Variants in GPATCH1 observed in about 807,000 individuals in gnomAD.
The protein encoded by GPATCH1 is G-patch domain containing 1.
GPATCH1 carries 73 observed loss-of-function variants against 114.9 expected under a neutral mutation model. The observed-to-expected ratio is 0.64, with a 90% CI of 0.53 to 0.77. The LOEUF (loss-of-function observed/expected upper bound fraction) is 0.77, where lower values mean the gene tolerates loss of function less well. Among genes scored for constraint, GPATCH1 ranks in the 30% least tolerant of loss-of-function variants. GPATCH1 has a pLI of 0.00. For synonymous variants in GPATCH1, 391 were observed against 428.4 expected (o/e 0.91, Z 1.08); for missense variants, 1,058 against 1,144.3 (o/e 0.92, Z 1.09).
intron 10 of GPATCH1, among the ~76,000 whole-genome samples, chr19:33,109,499 C>T (rs1972824637): frequency 6.6e-6 from 1 of 151,984 alleles, no homozygotes; most frequent in South Asian, 2.1e-4. Flanking sequence ...GGCAATAGAG[C>T]GAGACTCCAT....
At chr19:33,094,364 G>A in intron 5 of GPATCH1, 95 bp downstream of exon 5, 1 of 704,990 alleles carries the variant, frequency 1.4e-6, no homozygotes, top group Non-Finnish European at 2.5e-6. Flanking sequence ...AGGCTGGAGT[G>A]CAGTGGTGCG....
chr19:33,096,559 A>G (rs1972662613), intron 7 of GPATCH1, 113 bp downstream of exon 7: 2 of 817,486 alleles, frequency 2.4e-6, no homozygotes, highest in East Asian at 5.4e-5. Flanking sequence ...CTAATCCTCA[A>G]GTGGAATCAG....
rs1972886771 is a variant in GPATCH1, at chr19:33,113,870, A to C, written c.1996A>C (p.Ser666Arg). 1.2e-6 allele frequency: 2 copies of C among 1,614,126 alleles called. No homozygotes were observed. The highest frequency in any genetic ancestry group is 4.5e-5 in the East Asian group (2 of 44,880). The change falls in exon 14 of 20, where the codon AGT becomes CGT. Residue 666 changes from serine to arginine, a missense_variant. Ser to Arg is a moderately radical substitution (Grantham distance 110, BLOSUM62 -1). Coordinates refer to ENST00000170564, the MANE Select transcript of GPATCH1 (RefSeq NM_018025.3). ...TTCCTTGCCCACCACTCAAGCATCAAGTGAAAAAGTATCACAGCACCGAGG... is the reference window on the plus strand; with the variant it reads ...TTCCTTGCCCACCACTCAAGCATCACGTGAAAAAGTATCACAGCACCGAGG... ...TASLPTTQASSEKVSQHRGPD... is the reference protein window; with the variant it reads ...TASLPTTQASREKVSQHRGPD...
At chr19:33,086,206 G>A (rs534306231) in intron 1 of GPATCH1, among the ~76,000 whole-genome samples, 1 of 152,068 alleles carries the variant, frequency 6.6e-6, no homozygotes, top group South Asian at 2.1e-4. Context: ...TATATGTAAT[G>A]TAGTGTGTGT....
chr19:33,127,284 C>T (rs1258215554), intron 19 of GPATCH1, among the ~76,000 whole-genome samples: 1 of 151,798 alleles, frequency 6.6e-6, no homozygotes, highest in Non-Finnish European at 1.5e-5. Flanking sequence ...TTTGGGAGGC[C>T]GAGGCGGGTG....
At chr19:33,115,033 G>A (rs8110181) in intron 15 of GPATCH1, among the ~76,000 whole-genome samples, 60,518 of 148,578 alleles carry the variant, frequency 0.41, 15,279 homozygotes, top group African/African-American at 0.7. Context: ...GTCTTGAACT[G>A]GGATTGCTAT....
intron 8 of GPATCH1, chr19:33,100,374 G>T (rs1424314170): frequency 6.6e-6 from 1 of 151,950 alleles, no homozygotes; most frequent in Non-Finnish European, 1.5e-5. Flanking sequence ...CAGATCACGA[G>T]GTCAGGAGAT....
chr19:33,129,672 G>A (rs1973081077), intron 19 of GPATCH1, among the ~76,000 whole-genome samples: 2 of 152,164 alleles, frequency 1.3e-5, no homozygotes, highest in African/African-American at 4.8e-5. Flanking sequence ...GATTGGCCGG[G>A]TACGGTGGCT....
At chr19:33,108,563 C>A (rs1275041486) in intron 10 of GPATCH1, among the ~76,000 whole-genome samples, 3 of 152,018 alleles carry the variant, frequency 2.0e-5, no homozygotes, top group African/African-American at 7.2e-5. Flanking sequence ...TCCAGCCTTC[C>A]CCGACCACCA....
chr19:33,122,348 G>T (rs1161855928), intron 17 of GPATCH1, among the ~76,000 whole-genome samples: 3 of 121,422 alleles, frequency 2.5e-5, no homozygotes, highest in African/African-American at 9.3e-5. Flanking sequence ...TTTTTGAGAC[G>T]GAGTCTCGCT....
intron 17 of GPATCH1, among the ~76,000 whole-genome samples, chr19:33,123,427 GAA>G (rs201988711): frequency 6.9e-6 from 1 of 145,024 alleles, no homozygotes; most frequent in African/African-American, 2.5e-5. Flanking sequence ...AAGAATTTTG[GAA>G]AAAAAAAAAG....
chr19:33,095,734 AC>A (rs775050255), intron 5 of GPATCH1, 27 bp from the exon 6 acceptor site: 8 of 1,533,764 alleles, frequency 5.2e-6, no homozygotes, highest in Non-Finnish European at 7.2e-6. Flanking sequence ...GTCACTCATG[AC>A]TATTGCATTT....
rs145803881 is a variant in GPATCH1, at chr19:33,110,692, A to G, written c.1585+676A>G. ...GTTAGTGAAAGAGTGTTTTTCTGCC[A>G]AAACATAGGGATGTGGTTGAGGTGA... On this transcript the variant is annotated intron_variant, in intron 11 of 19. Transcript: ENST00000170564. 3.7e-3 allele frequency among the ~76,000 whole-genome samples: 565 copies of G among 151,124 alleles called. 6 individuals are homozygous for G. The highest frequency in any genetic ancestry group is 0.013 in the African/African-American group (526 of 41,172).
Position 33,098,027 on chromosome 19 carries a change from CAAAG to C in GPATCH1, c.1000+128_1000+131del, listed in dbSNP as rs1972683600. ...GTCAAAGTCACGGTAAGAAACAAAA[CAAAG>C]AAGCGAGGCCCAGCATGGGAAGTGA... On this transcript the variant is annotated intron_variant, in intron 8 of 19. Transcript: ENST00000170564. The C allele has an allele frequency of 1.8e-5, 17 of 945,040 alleles. 1 individual carries two copies. The South Asian group carries it at 2.7e-4, about 15-fold the overall frequency. 58.5% of individuals were successfully genotyped at this position (945,040 alleles called of 1,614,324 possible).
At chr19:33,109,410 C>CG (rs952126246) in intron 10 of GPATCH1, among the ~76,000 whole-genome samples, 13 of 151,808 alleles carry the variant, frequency 8.6e-5, no homozygotes, top group African/African-American at 1.2e-4. Flanking sequence ...CCCGGCTACT[C>CG]GGTGGGGATG....
intron 2 of GPATCH1, among the ~76,000 whole-genome samples, chr19:33,089,431 G>A (rs1236548368): frequency 6.6e-6 from 1 of 152,294 alleles, no homozygotes; most frequent in Admixed American, 6.5e-5. Context: ...GTTGTTTAAA[G>A]TATTGTATGT....
chr19:33,081,350 G>A, intron 1 of GPATCH1, 84 bp downstream of exon 1: 2 of 1,176,034 alleles, frequency 1.7e-6, no homozygotes, highest in East Asian at 2.6e-5. Context: ...AGTCGGTGCT[G>A]GACCATTGTT....
Position 33,102,331 on chromosome 19 carries a change from G to A in GPATCH1, c.1080+757G>A, listed in dbSNP as rs553824390. On this transcript the variant is annotated intron_variant, in intron 9 of 19. Coordinates refer to ENST00000170564, the MANE Select transcript of GPATCH1 (RefSeq NM_018025.3). ...GCTTGGGCGACAAGAGCAAAACTCC[G>A]TATCGAAAAGAAAAGAAAAGAAATA... is the stretch of plus-strand genomic sequence containing the variant. Among the ~76,000 whole-genome samples the A allele has an allele frequency of 9.9e-5, 15 of 151,638 alleles. No homozygotes were observed. The East Asian group carries it at 2.1e-3, about 22-fold the overall frequency.
At chr19:33,083,775 TCTCAG>T (rs1199073605) in intron 1 of GPATCH1, among the ~76,000 whole-genome samples, 1 of 152,164 alleles carries the variant, frequency 6.6e-6, no homozygotes, top group Non-Finnish European at 1.5e-5. Context: ...TTCTTTAACT[TCTCAG>T]TAATACAAGT....
Sources: allele counts gnomAD v4.1 joint callset (sites outside exome capture counted in the v4.1 genomes callset), GRCh38; gene constraint gnomAD v4.1.1; transcripts MANE v1.5; gene names NCBI Gene and HGNC (gene_info 2026-07-23, HGNC 2026-07-21).